CEP135: variants seen among roughly 807,000 people sequenced by gnomAD.
CEP135 encodes the protein centrosomal protein of 135 kDa.
CEP135 carries 142 observed loss-of-function variants against 157.3 expected under a neutral mutation model. The ratio of observed to expected loss-of-function variants is 0.90; its 90% CI spans 0.79 to 1.04. CEP135 has a LOEUF of 1.04. Ranked by LOEUF, CEP135 falls within the 50% of genes least tolerant of loss-of-function variation. The probability of loss-of-function intolerance (pLI) is 0.00; values close to 1 mark genes in which losing one functional copy is unlikely to be tolerated. For synonymous variants in CEP135, 396 were observed against 439.8 expected (o/e 0.90, Z 1.25); for missense variants, 1,317 against 1,309.2 (o/e 1.01, Z -0.09).
At chr4:55,995,269 C>A (rs1371484318) in intron 15 of CEP135, among the ~76,000 whole-genome samples, 1 of 152,086 alleles carries the variant, frequency 6.6e-6, no homozygotes, top group Non-Finnish European at 1.5e-5. Context: ...TGTAAATAGA[C>A]AAGAGTCAAT....
chr4:55,954,141 G>C (rs1020416318), intron 3 of CEP135, 75 bp from the exon 4 acceptor site: 2 of 1,330,372 alleles, frequency 1.5e-6, no homozygotes, highest in Non-Finnish European at 1.0e-6. Flanking sequence ...ATGACTTTTT[G>C]TATTTTGTGA....
intron 18 of CEP135, 24 bp from the exon 19 acceptor site, chr4:56,009,711 A>G (rs1475101193): frequency 6.3e-7 from 1 of 1,577,628 alleles, no homozygotes; most frequent in Non-Finnish European, 8.6e-7. Flanking sequence ...TTTCTTTATT[A>G]GTTTCACATC....
chr4:55,957,170 C>G, intron 4 of CEP135, 53 bp from the exon 5 acceptor site: 1 of 1,584,978 alleles, frequency 6.3e-7, no homozygotes, highest in Non-Finnish European at 8.6e-7. Flanking sequence ...ATATTTAATT[C>G]TAAGACATGG....
intron 15 of CEP135, among the ~76,000 whole-genome samples, chr4:55,995,945 G>GTA (rs1418921931): frequency 6.6e-6 from 1 of 152,086 alleles, no homozygotes; most frequent in Non-Finnish European, 1.5e-5. Context: ...AAACCAGAGG[G>GTA]TATACTCTTA....
chr4:56,029,121 A>T lies in CEP135; in HGVS notation c.*12-2239A>T, dbSNP rs535293783. Reference sequence around the variant, plus strand: ...ACAGATTAACAGGCAAGTGGAAGGGATGCATAGGGCAAATTATCAGGAAAG... The same window carrying T: ...ACAGATTAACAGGCAAGTGGAAGGGTTGCATAGGGCAAATTATCAGGAAAG... On this transcript the variant is annotated intron_variant, in intron 25 of 25. Transcript: ENST00000257287. Among the ~76,000 whole-genome samples, 92 of 152,200 alleles carry T rather than the reference A, an allele frequency of 6.0e-4. 1 individual carries two copies. Among genetic ancestry groups the T allele is most frequent in the Admixed American group, 1.5e-3 (23 of 15,276 alleles).
intron 11 of CEP135, among the ~76,000 whole-genome samples, chr4:55,978,639 C>T (rs1323630110): frequency 6.6e-6 from 1 of 152,184 alleles, no homozygotes; most frequent in African/African-American, 2.4e-5. Context: ...TAACCTTGAA[C>T]TCCTGGGCTG....
chr4:55,999,679 C>A, intron 17 of CEP135, 34 bp downstream of exon 17: 1 of 1,568,260 alleles, frequency 6.4e-7, no homozygotes, highest in South Asian at 1.2e-5. Context: ...TTCCAGCATC[C>A]AAACAGAACA....
intron 17 of CEP135, among the ~76,000 whole-genome samples, chr4:56,003,218 C>A (rs1017652545): frequency 2.6e-5 from 4 of 151,862 alleles, no homozygotes; most frequent in Non-Finnish European, 1.5e-5. Flanking sequence ...GACGGAGTCT[C>A]GCTTTGTCGC....
chr4:55,985,912 C>T (rs1729566326), intron 14 of CEP135, among the ~76,000 whole-genome samples: 1 of 151,920 alleles, frequency 6.6e-6, no homozygotes, highest in Non-Finnish European at 1.5e-5. Context: ...TGCACTCCAG[C>T]CTGGGCAACA....
rs180863355 is a variant in CEP135 at position 55,994,730 on chromosome 4, G to A, written c.2009+2645G>A. 5.5e-5 allele frequency among the ~76,000 whole-genome samples: 8 copies of A among 145,968 alleles called. No individual in the cohort carries two copies. The East Asian group carries it at 1.4e-3, about 26-fold the overall frequency. ...AGACGGAGTCTTGCTCTGTTGGCCC[G>A]GCTGGAGCTCAGTGGCATGATCTTG... On this transcript the variant is annotated intron_variant, in intron 15 of 25. Coordinates refer to ENST00000257287, the MANE Select transcript of CEP135 (RefSeq NM_025009.5).
In CEP135 at chr4:55,964,219, A is replaced by C; in HGVS notation, c.700-55A>C. On this transcript the variant is annotated intron_variant, in intron 6 of 25. Transcript: ENST00000257287. ...TCCAAATAAATGTTTGTACAGTGTT[A>C]ATCATTTGGTTGAAAACCAGATTTT... 2.0e-6 allele frequency: 3 copies of C among 1,537,872 alleles called. No homozygotes were observed. The South Asian group carries it at 3.7e-5, about 19-fold the overall frequency.
chr4:56,031,277 T>C (rs1731339938), intron 25 of CEP135, 83 bp from the exon 26 acceptor site: 1 of 152,642 alleles, frequency 6.6e-6, no homozygotes, highest in South Asian at 2.1e-4. Flanking sequence ...TTTATAACAT[T>C]ATTGAATTTC....
At chr4:56,000,059 T>G (rs1730110265) in intron 17 of CEP135, among the ~76,000 whole-genome samples, 1 of 151,736 alleles carries the variant, frequency 6.6e-6, no homozygotes, top group Non-Finnish European at 1.5e-5. Context: ...GGTGTGGTGG[T>G]GTGCACCTGT....
chr4:56,011,715 T>C (rs1730589254), intron 20 of CEP135, 85 bp from the exon 21 acceptor site: 4 of 1,097,748 alleles, frequency 3.6e-6, no homozygotes, highest in African/African-American at 3.2e-5. Context: ...AACAGAATGC[T>C]GTGTATGTGT....
At chr4:55,995,738 G>A (rs1729948191) in intron 15 of CEP135, among the ~76,000 whole-genome samples, 1 of 152,174 alleles carries the variant, frequency 6.6e-6, no homozygotes, top group African/African-American at 2.4e-5. Flanking sequence ...GCATCCAGCT[G>A]TAGTTTGTCA....
intron 1 of CEP135, among the ~76,000 whole-genome samples, chr4:55,949,905 C>T (rs1434279415): frequency 1.3e-5 from 2 of 152,214 alleles, no homozygotes; most frequent in Non-Finnish European, 2.9e-5. Context: ...TTCTCATTCT[C>T]TCCCCTCCAA....
At position 56,031,603 on chromosome 4, in the gene CEP135, A is replaced by G. The variant is rs978270973; in HGVS notation, c.*255A>G. On this transcript the variant is annotated 3_prime_UTR_variant, in exon 26 of 26. Coordinates refer to ENST00000257287, the MANE Select transcript of CEP135 (RefSeq NM_025009.5). ...TAGTGCCTAATGTATCTATATTTTTATTATTCATGAATTAAATTACTAAAA... is the reference window on the plus strand; with the variant it reads ...TAGTGCCTAATGTATCTATATTTTTGTTATTCATGAATTAAATTACTAAAA... 19 of 152,404 alleles carry G rather than the reference A, an allele frequency of 1.2e-4. No homozygotes were observed. Among genetic ancestry groups the G allele is most frequent in the Non-Finnish European group, 2.5e-4 (17 of 68,026 alleles). 9.4% of individuals were successfully genotyped at this position (152,404 alleles called of 1,614,324 possible). A position where few individuals can be genotyped will look rare whatever the true frequency, so the allele number is the denominator to read the frequency against.
intron 11 of CEP135, among the ~76,000 whole-genome samples, chr4:55,975,500 T>C (rs1365040285): frequency 1.3e-5 from 2 of 152,250 alleles, no homozygotes; most frequent in Non-Finnish European, 2.9e-5. Flanking sequence ...TATTTGTAAG[T>C]TGATGATCCA....
At chr4:55,959,343 C>T (rs76032744) in intron 5 of CEP135, among the ~76,000 whole-genome samples, 313 of 152,248 alleles carry the variant, frequency 2.1e-3, no homozygotes, top group African/African-American at 7.3e-3. Flanking sequence ...CTTACTAAGT[C>T]TGTGAATTGT....
Sources: allele counts gnomAD v4.1 joint callset (sites outside exome capture counted in the v4.1 genomes callset), GRCh38; gene constraint gnomAD v4.1.1; transcripts MANE v1.5; gene names NCBI Gene and HGNC (gene_info 2026-07-23, HGNC 2026-07-21).